The following CDS2 variants were observed in gnomAD, a reference collection of about 807,000 sequenced individuals.
The protein encoded by CDS2 is CDP-diacylglycerol synthase 2.
Under a neutral mutation model 59.0 loss-of-function variants are expected in CDS2, and 47 were observed. The observed-to-expected ratio is 0.80, with a 90% CI of 0.63 to 1.02. The LOEUF is 1.02. Ranked by LOEUF, CDS2 falls within the 50% of genes least tolerant of loss-of-function variation. The pLI, the probability that CDS2 is intolerant of heterozygous loss-of-function variation, is 0.00. For missense variants in CDS2, 356 were observed against 558.9 expected (o/e 0.64, Z 3.66); for synonymous variants, 207 against 206.4 (o/e 1.00, Z -0.02).
In CDS2 at chr20:5,196,990, C is replaced by T. The variant is rs1600527441; in HGVS notation, c.*6756C>T. On this transcript the variant is annotated 3_prime_UTR_variant, in exon 13 of 13. Transcript: ENST00000460006. ...GGCCACGGAGGGGCCAGGAGTCTCA[C>T]AGTGGAGGGCAGACTCTAACAGATG... The T allele has an allele frequency of 6.6e-6, 1 of 152,370 alleles. No individual in the cohort carries two copies. The highest frequency in any genetic ancestry group is 1.5e-5 in the Non-Finnish European group (1 of 68,064). The allele number at this position is 152,370 out of a possible 1,614,324, so 9.4% of individuals were successfully genotyped here. A position where few individuals can be genotyped will look rare whatever the true frequency, so the allele number is the denominator to read the frequency against.
chr20:5,168,400 G>T (rs2090928545), intron 1 of CDS2, among the ~76,000 whole-genome samples: 1 of 134,682 alleles, frequency 7.4e-6, no homozygotes, highest in Non-Finnish European at 1.5e-5. Flanking sequence ...GGATGACAGA[G>T]CAAGACTCTG....
chr20:5,132,284 G>C (rs1186457538), intron 1 of CDS2, among the ~76,000 whole-genome samples: 1 of 152,018 alleles, frequency 6.6e-6, no homozygotes, highest in East Asian at 1.9e-4. Context: ...TTTTAGTAGA[G>C]ACAAAGTTTC....
Position 5,190,516 on chromosome 20 carries a change from G to C in CDS2, c.*282G>C. 1 of 258,822 alleles carries C rather than the reference G, an allele frequency of 3.9e-6. No individual in the cohort carries two copies. Among genetic ancestry groups the C allele is most frequent in the Non-Finnish European group, 7.4e-6 (1 of 135,554 alleles). The allele number at this position is 258,822 out of a possible 1,614,324, so 16.0% of individuals were successfully genotyped here. A position where few individuals can be genotyped will look rare whatever the true frequency, so the allele number is the denominator to read the frequency against. ...AAACAAAAGTATTAATAATCTGGAA[G>C]ACAGTGTTGCCCAGGTCAGGAGTGT... is the stretch of plus-strand genomic sequence containing the variant. On this transcript the variant is annotated 3_prime_UTR_variant, in exon 13 of 13. Transcript: ENST00000460006.
intron 1 of CDS2, among the ~76,000 whole-genome samples, chr20:5,154,667 A>C (rs1488202799): frequency 1.3e-5 from 2 of 152,064 alleles, no homozygotes. Flanking sequence ...TTGTTTTATG[A>C]GACAAGGTCT....
rs953875841 is a variant in CDS2 at position 5,184,743 on chromosome 20, T to C, written c.672-115T>C. 5.4e-5 allele frequency: 44 copies of C among 818,734 alleles called. No individual in the cohort carries two copies. The highest frequency in any genetic ancestry group is 1.3e-4 in the South Asian group (9 of 68,714). 50.7% of individuals were successfully genotyped at this position (818,734 alleles called of 1,614,324 possible). On this transcript the variant is annotated intron_variant, in intron 7 of 12. Transcript: ENST00000460006. The surrounding 1 kb of genome is among the most constrained non-coding windows in gnomAD (Gnocchi z 4.3). Reference sequence around the variant, plus strand: ...TGTTTTTAACTTACTCCTTAATGGGTTACCAGAATTTTATGGGTGATTTTG... The same window carrying C: ...TGTTTTTAACTTACTCCTTAATGGGCTACCAGAATTTTATGGGTGATTTTG...
chr20:5,129,087 A>G (rs576201472), intron 1 of CDS2, among the ~76,000 whole-genome samples: 2 of 152,228 alleles, frequency 1.3e-5, no homozygotes, highest in African/African-American at 4.8e-5. Context: ...CTAGAGGTGC[A>G]CTTATATCAC....
chr20:5,127,179 G>A (rs1210579813), intron 1 of CDS2, 30 bp downstream of exon 1: 3 of 1,470,988 alleles, frequency 2.0e-6, no homozygotes, highest in South Asian at 1.3e-5. Context: ...GGGCGCGGCC[G>A]GGACAGCGGC....
Position 5,191,447 on chromosome 20 carries a change from A to G in CDS2, c.*1213A>G, listed in dbSNP as rs1012427822. ...TCCCCTCCCTAATTTCAGGGGTGAG[A>G]TTGACTTTGGGAAGACAGATTAGTT... is the stretch of plus-strand genomic sequence containing the variant. On this transcript the variant is annotated 3_prime_UTR_variant, in exon 13 of 13. Transcript: ENST00000460006. 6.6e-5 allele frequency: 10 copies of G among 151,978 alleles called. No homozygotes were observed. The highest frequency in any genetic ancestry group is 9.7e-5 in the African/African-American group (4 of 41,346). 9.4% of individuals were successfully genotyped at this position (151,978 alleles called of 1,614,324 possible).
chr20:5,132,776 C>T (rs2090618002), intron 1 of CDS2, among the ~76,000 whole-genome samples: 1 of 152,050 alleles, frequency 6.6e-6, no homozygotes, highest in South Asian at 2.1e-4. Context: ...ATTTTAAAAA[C>T]TCAATTACTG....
chr20:5,133,010 C>CAA (rs34764405), intron 1 of CDS2, among the ~76,000 whole-genome samples: 160 of 135,980 alleles, frequency 1.2e-3, no homozygotes, highest in African/African-American at 3.6e-3. Flanking sequence ...TTCTCTACTA[C>CAA]AAAAAAAAAA....
At chr20:5,153,200 T>C (rs1053188756) in intron 1 of CDS2, among the ~76,000 whole-genome samples, 1 of 152,232 alleles carries the variant, frequency 6.6e-6, no homozygotes, top group African/African-American at 2.4e-5. Context: ...CAGTACTTAC[T>C]GTTTGTGATA....
chr20:5,152,558 A>G (rs1042668985), intron 1 of CDS2, among the ~76,000 whole-genome samples: 2 of 152,218 alleles, frequency 1.3e-5, no homozygotes, highest in African/African-American at 2.4e-5. Context: ...CCTGGCCAAC[A>G]TGGTGAAACC....
intron 1 of CDS2, among the ~76,000 whole-genome samples, chr20:5,143,780 T>TTC (rs1444831603): frequency 6.6e-6 from 1 of 150,568 alleles, no homozygotes; most frequent in Non-Finnish European, 1.5e-5. Context: ...TTTTTTTTTT[T>TTC]TTGAGACAGA....
intron 1 of CDS2, among the ~76,000 whole-genome samples, chr20:5,127,567 T>TG (rs1289380376): frequency 6.6e-6 from 1 of 151,896 alleles, no homozygotes; most frequent in Non-Finnish European, 1.5e-5. Context: ...GTTATTATTT[T>TG]GGGGGGTGGG....
intron 10 of CDS2, 196 bp downstream of exon 10, chr20:5,187,035 C>G: frequency 1.8e-6 from 1 of 545,692 alleles, no homozygotes; most frequent in South Asian, 2.1e-5. Flanking sequence ...ATTGTTTAGA[C>G]CAGTGGTTTT....
intron 7 of CDS2, 31 bp downstream of exon 7, chr20:5,183,174 A>G (rs373352174): frequency 2.3e-4 from 371 of 1,584,276 alleles, no homozygotes; most frequent in Non-Finnish European, 3.1e-4. Context: ...TTTCCCTTTT[A>G]TTTTGTGAGT....
At chr20:5,162,580 G>A (rs2090883276) in intron 1 of CDS2, among the ~76,000 whole-genome samples, 1 of 152,164 alleles carries the variant, frequency 6.6e-6, no homozygotes, top group African/African-American at 2.4e-5. Context: ...ATGTCAGTAA[G>A]TGGTTGGAAA....
intron 1 of CDS2, among the ~76,000 whole-genome samples, chr20:5,137,961 G>A (rs909946571): frequency 6.6e-6 from 1 of 151,506 alleles, no homozygotes; most frequent in African/African-American, 2.4e-5. Context: ...ACCATGCCCA[G>A]CTAATTTGCA....
chr20:5,133,854 T>G (rs2090627578), intron 1 of CDS2, among the ~76,000 whole-genome samples: 1 of 152,144 alleles, frequency 6.6e-6, no homozygotes, highest in Admixed American at 6.5e-5. Flanking sequence ...CCGGTTGTTG[T>G]TTTTTATTTT....
Sources: gnomAD v4.1 joint callset for allele counts (sites outside exome capture counted in the v4.1 genomes callset) on GRCh38, gnomAD v4.1.1 for gene constraint, Gnocchi (gnomAD v3.1) non-coding constraint, MANE v1.5 for transcripts, NCBI Gene and HGNC (gene_info 2026-07-23, HGNC 2026-07-21) for gene names.